Variants in SESN1 observed in about 807,000 individuals in gnomAD.
The protein encoded by SESN1 is sestrin 1.
A neutral mutation model predicts 59.3 loss-of-function variants in SESN1; 30 were observed. That is an observed-to-expected ratio of 0.51 (90% CI 0.38 to 0.69). The LOEUF is 0.69. SESN1 is among the 30% of genes least tolerant of loss of function. The probability of loss-of-function intolerance (pLI) is 0.00; values close to 1 mark genes in which losing one functional copy is unlikely to be tolerated. For missense variants in SESN1, 566 were observed against 673.0 expected, an observed-to-expected ratio of 0.84 and a Z score of 1.76; for synonymous variants, 197 against 219.9, an observed-to-expected ratio of 0.90 and a Z score of 0.92.
chr6:108,998,568 G>T lies in SESN1; in HGVS notation c.917C>A (p.Thr306Lys), dbSNP rs1779547813. 1.2e-6 allele frequency: 2 copies of T among 1,613,914 alleles called. No homozygotes were observed. The highest frequency in any genetic ancestry group is 1.7e-6 in the Non-Finnish European group (2 of 1,179,796). ...CTCATCCACACTGTGATTGCCATTTGTAATGTCACAGATGCAGTAGTTGCT... is the reference window on the plus strand; with the variant it reads ...CTCATCCACACTGTGATTGCCATTTTTAATGTCACAGATGCAGTAGTTGCT... Reference protein sequence around the residue: ...SVSNYCICDITNGNHSVDEMP... With the variant: ...SVSNYCICDIKNGNHSVDEMP... The change falls in exon 5 of 10, where the codon ACA becomes AAA. Residue 306 changes from threonine (T) to lysine (K), a missense_variant. Thr to Lys is a moderately conservative substitution (Grantham distance 78). Coordinates refer to ENST00000436639, the MANE Select transcript of SESN1 (RefSeq NM_014454.3).
chr6:109,093,897 C>T lies in SESN1; in HGVS notation c.177G>A (p.Ser59=). The T allele has an allele frequency of 6.2e-7, 1 of 1,614,164 alleles. No individual in the cohort carries two copies. Among genetic ancestry groups the T allele is most frequent in the Non-Finnish European group, 8.5e-7 (1 of 1,180,036 alleles). The part of the protein sequence containing the change: ...PSDGLSNTES[S]DGLNKLLAHL... The stretch of plus-strand genomic sequence containing the variant: ...GAGCAAGTAGCTTATTCAACCCATC[C>T]GAAGACTCGGTATTTGAAAGCCCGT... The change falls in exon 1 of 10, where the codon TCG becomes TCA. Residue 59 remains serine, a synonymous_variant. Transcript: ENST00000436639.
chr6:109,070,871 C>G (rs1780922442), intron 1 of SESN1, among the ~76,000 whole-genome samples: 1 of 152,192 alleles, frequency 6.6e-6, no homozygotes, highest in African/African-American at 2.4e-5. Context: ...AATATCTTCC[C>G]TAAGTGATAC....
At chr6:109,072,947 GA>G (rs1186086308) in intron 1 of SESN1, among the ~76,000 whole-genome samples, 1 of 151,548 alleles carries the variant, frequency 6.6e-6, no homozygotes, top group African/African-American at 2.4e-5. Context: ...AGCAGATTTA[GA>G]AAAAATTATA....
chr6:109,015,904 A>C (rs778126933), intron 1 of SESN1, among the ~76,000 whole-genome samples: 4 of 152,240 alleles, frequency 2.6e-5, no homozygotes, highest in African/African-American at 7.2e-5. Context: ...TGAACACATG[A>C]AATTCTCATA....
intron 1 of SESN1, chr6:109,008,891 T>C (rs775323952): frequency 2.2e-4 from 219 of 986,330 alleles, no homozygotes; most frequent in Non-Finnish European, 2.4e-4. Context: ...TTTTTCTTTC[T>C]CTCTCTTTTA....
At chr6:109,036,629 AT>A (rs1345503969) in intron 1 of SESN1, among the ~76,000 whole-genome samples, 3 of 152,058 alleles carry the variant, frequency 2.0e-5, no homozygotes, top group East Asian at 1.9e-4. Context: ...GATAAAAAAA[AT>A]TTTTTTTAGG....
chr6:109,027,195 G>C (rs1780108919), intron 1 of SESN1, among the ~76,000 whole-genome samples: 1 of 151,760 alleles, frequency 6.6e-6, no homozygotes. Flanking sequence ...CATCTTGGCT[G>C]GGGGTGGTGG....
chr6:109,041,138 T>TAA (rs753319284), intron 1 of SESN1, among the ~76,000 whole-genome samples: 9 of 135,074 alleles, frequency 6.7e-5, no homozygotes, highest in African/African-American at 1.1e-4. Flanking sequence ...CTGTTTCTAT[T>TAA]AAAAAAAAAA....
At chr6:109,000,912 A>T (rs765984626) in intron 3 of SESN1, among the ~76,000 whole-genome samples, 6 of 152,154 alleles carry the variant, frequency 3.9e-5, no homozygotes, top group Non-Finnish European at 8.8e-5. Flanking sequence ...TAGACATTTT[A>T]TCTATATACT....
At chr6:108,990,139 G>T (rs1182834452) in intron 8 of SESN1, among the ~76,000 whole-genome samples, 1 of 152,154 alleles carries the variant, frequency 6.6e-6, no homozygotes, top group Non-Finnish European at 1.5e-5. Flanking sequence ...TACAATGACT[G>T]CATTTTCAAT....
chr6:109,037,456 C>A (rs1780267203), intron 1 of SESN1, among the ~76,000 whole-genome samples: 1 of 152,048 alleles, frequency 6.6e-6, no homozygotes, highest in Non-Finnish European at 1.5e-5. Context: ...CTGAAATACA[C>A]CAAGATGTTA....
At chr6:109,046,669 G>A (rs1364792686) in intron 1 of SESN1, among the ~76,000 whole-genome samples, 3 of 137,710 alleles carry the variant, frequency 2.2e-5, no homozygotes, top group Non-Finnish European at 4.8e-5. Flanking sequence ...ATCACATCTA[G>A]GAAGTGAGGA....
intron 6 of SESN1, among the ~76,000 whole-genome samples, chr6:108,994,140 T>TAAAAAAAAAA (rs764125940): frequency 3.0e-5 from 3 of 100,250 alleles, no homozygotes; most frequent in Non-Finnish European, 6.1e-5. Flanking sequence ...CCCTGTTTCT[T>TAAAAAAAAAA]AAAAAAAAAA....
At chr6:109,072,162 CTCTTAATTATTAGCATT>C (rs1562474119) in intron 1 of SESN1, among the ~76,000 whole-genome samples, 1 of 152,112 alleles carries the variant, frequency 6.6e-6, no homozygotes, top group Non-Finnish European at 1.5e-5. Context: ...ACACAGTTAA[CTCTTAATTATTAGCATT>C]TCAAAAATAC....
intron 5 of SESN1, among the ~76,000 whole-genome samples, chr6:108,994,855 A>T (rs1373537502): frequency 2.0e-5 from 3 of 151,966 alleles, no homozygotes; most frequent in Non-Finnish European, 4.4e-5. Context: ...GGTGCCTGCC[A>T]CCATGCCCGG....
chr6:109,005,779 C>T (rs546117968), intron 1 of SESN1, among the ~76,000 whole-genome samples: 2 of 152,252 alleles, frequency 1.3e-5, no homozygotes, highest in East Asian at 3.9e-4. Context: ...ATAATACCAT[C>T]AATCCCAACT....
At chr6:109,006,170 A>G (rs1779726331) in intron 1 of SESN1, among the ~76,000 whole-genome samples, 1 of 152,232 alleles carries the variant, frequency 6.6e-6, no homozygotes, top group South Asian at 2.1e-4. Context: ...TAAAGTTTAG[A>G]AAGAGTATTT....
In SESN1 at chr6:109,042,530, CG is replaced by C. The variant is rs111318018; in HGVS notation, c.280-40188del. Among the ~76,000 whole-genome samples the C allele has an allele frequency of 7.2e-4, 89 of 123,228 alleles. 1 individual carries two copies. The highest frequency in any genetic ancestry group is 8.0e-4 in the Non-Finnish European group (46 of 57,622). 80.8% of individuals were successfully genotyped at this position (123,228 alleles called of 152,430 possible). On this transcript the variant is annotated intron_variant, in intron 1 of 9. Transcript: ENST00000436639. ...TTAGGAATGAAACAGAGGATTATTG[CG>C]AAAAAAAAAAAACAAACCTGCAAAG...
chr6:109,021,648 G>A (rs1780012237), intron 1 of SESN1, among the ~76,000 whole-genome samples: 1 of 151,882 alleles, frequency 6.6e-6, no homozygotes, highest in Non-Finnish European at 1.5e-5. Context: ...CACTATGTTG[G>A]CCAGGCTGGT....
Sources: gnomAD v4.1 joint callset for allele counts (sites outside exome capture counted in the v4.1 genomes callset) on GRCh38, gnomAD v4.1.1 for gene constraint, MANE v1.5 for transcripts, NCBI Gene and HGNC (gene_info 2026-07-23, HGNC 2026-07-21) for gene names.